RPS6KC1: variants seen among roughly 807,000 people sequenced by gnomAD.
The protein encoded by RPS6KC1 is ribosomal protein S6 kinase C1.
RPS6KC1 carries 54 observed loss-of-function variants against 103.8 expected under a neutral mutation model. That is an observed-to-expected ratio of 0.52 (90% CI 0.42 to 0.65). The LOEUF (loss-of-function observed/expected upper bound fraction) is 0.65. Among genes scored for constraint, RPS6KC1 ranks in the 30% least tolerant of loss-of-function variants. RPS6KC1 has a pLI of 0.00. For missense variants in RPS6KC1, 1,151 were observed against 1,253.8 expected, an observed-to-expected ratio of 0.92 and a Z score of 1.24; for synonymous variants, 439 against 438.7, an observed-to-expected ratio of 1.00 and a Z score of -0.01.
the RPS6KC1 span, among the ~76,000 whole-genome samples, chr1:213,316,781 G>A: frequency 6.6e-6 from 1 of 151,946 alleles, no homozygotes; most frequent in Admixed American, 6.6e-5. Flanking sequence ...GATTGAGGGG[G>A]CCTCATTAAT....
chr1:213,343,805 A>C, the RPS6KC1 span, among the ~76,000 whole-genome samples: 1 of 152,090 alleles, frequency 6.6e-6, no homozygotes, highest in Non-Finnish European at 1.5e-5. Context: ...AATAAATACA[A>C]AATAAAAAAA....
chr1:213,598,169 T>A, the RPS6KC1 span, among the ~76,000 whole-genome samples: 1 of 152,212 alleles, frequency 6.6e-6, no homozygotes, highest in African/African-American at 2.4e-5. Flanking sequence ...CCTTCAGAGC[T>A]GCAGATATTG....
chr1:213,414,627 C>A, the RPS6KC1 span, among the ~76,000 whole-genome samples: 7 of 152,320 alleles, frequency 4.6e-5, no homozygotes, highest in East Asian at 1.3e-3. Context: ...GCATGTCATA[C>A]TTCTTGTCTT....
At chr1:213,669,488 G>A in the RPS6KC1 span, among the ~76,000 whole-genome samples, 818 of 152,224 alleles carry the variant, frequency 5.4e-3, 16 homozygotes, top group Non-Finnish European at 6.6e-3. Context: ...ACTGATCACA[G>A]ATCACCATAA....
the RPS6KC1 span, among the ~76,000 whole-genome samples, chr1:213,735,356 G>T: frequency 2.0e-4 from 30 of 152,306 alleles, no homozygotes; most frequent in South Asian, 6.0e-3. Context: ...GTGTATGGTG[G>T]CAAGGTGTTA....
the RPS6KC1 span, among the ~76,000 whole-genome samples, chr1:213,535,334 G>GGT: frequency 1.3e-5 from 2 of 152,322 alleles, no homozygotes; most frequent in Admixed American, 1.3e-4. Flanking sequence ...CAATACGTTT[G>GGT]GTGTTGAGTT....
chr1:213,333,234 G>A, the RPS6KC1 span, among the ~76,000 whole-genome samples: 1 of 152,202 alleles, frequency 6.6e-6, no homozygotes, highest in Non-Finnish European at 1.5e-5. Flanking sequence ...AACTGGTCTT[G>A]TACGTTCCTT....
chr1:213,100,600 T>A (rs1299505771), intron 3 of RPS6KC1, among the ~76,000 whole-genome samples: 4 of 152,146 alleles, frequency 2.6e-5, no homozygotes, highest in Admixed American at 2.6e-4. Context: ...TCCCCGCTTT[T>A]GGAGTTCTCA....
the RPS6KC1 span, among the ~76,000 whole-genome samples, chr1:213,390,967 C>T: frequency 1.3e-5 from 2 of 152,020 alleles, no homozygotes; most frequent in East Asian, 3.9e-4. Context: ...TCCAAGTGCA[C>T]TTTTTTGGGT....
the RPS6KC1 span, among the ~76,000 whole-genome samples, chr1:213,517,324 G>C: frequency 6.6e-6 from 1 of 152,078 alleles, no homozygotes; most frequent in Admixed American, 6.5e-5. Context: ...TGATGTTAGG[G>C]TGTCAATTTT....
At chr1:213,132,667 G>A (rs2085779078) in intron 6 of RPS6KC1, among the ~76,000 whole-genome samples, 1 of 152,156 alleles carries the variant, frequency 6.6e-6, no homozygotes, top group South Asian at 2.1e-4. Flanking sequence ...AACTGTTAGT[G>A]AAATATCTCT....
At chr1:213,365,447 C>A in the RPS6KC1 span, among the ~76,000 whole-genome samples, 10 of 152,192 alleles carry the variant, frequency 6.6e-5, no homozygotes, top group Non-Finnish European at 1.0e-4. Context: ...CATAACTATG[C>A]TGTAGTGCAT....
the RPS6KC1 span, among the ~76,000 whole-genome samples, chr1:213,781,140 T>A: frequency 6.6e-6 from 1 of 152,204 alleles, no homozygotes; most frequent in African/African-American, 2.4e-5. Flanking sequence ...GGAGGCAAGA[T>A]GAAGCGCTAA....
intron 14 of RPS6KC1, among the ~76,000 whole-genome samples, chr1:213,265,146 C>G (rs937945824): frequency 3.9e-5 from 6 of 152,180 alleles, no homozygotes; most frequent in Non-Finnish European, 8.8e-5. Context: ...GTCTTGGATT[C>G]ATTAACTTGA....
At chr1:213,316,452 A>T in the RPS6KC1 span, among the ~76,000 whole-genome samples, 11 of 152,194 alleles carry the variant, frequency 7.2e-5, no homozygotes, top group Non-Finnish European at 1.5e-4. Flanking sequence ...TACATTACCA[A>T]ATTGGGACGA....
chr1:213,445,032 C>G, the RPS6KC1 span, among the ~76,000 whole-genome samples: 1 of 152,088 alleles, frequency 6.6e-6, no homozygotes, highest in Non-Finnish European at 1.5e-5. Flanking sequence ...TTTCCTGCAG[C>G]CTTTAGCAAA....
the RPS6KC1 span, among the ~76,000 whole-genome samples, chr1:213,633,226 A>C: frequency 6.6e-6 from 1 of 152,212 alleles, no homozygotes. Flanking sequence ...TGAGAAGAGC[A>C]ACCCAAAGAC....
the RPS6KC1 span, among the ~76,000 whole-genome samples, chr1:213,472,947 A>G: frequency 2.6e-5 from 4 of 152,230 alleles, no homozygotes; most frequent in Non-Finnish European, 4.4e-5. Flanking sequence ...ATCCCCTTGA[A>G]TGTTATCTCC....
At chr1:213,067,726 C>T (rs6689016) in intron 1 of RPS6KC1, among the ~76,000 whole-genome samples, 5,531 of 152,268 alleles carry the variant, frequency 0.036, 282 homozygotes, top group African/African-American at 0.12. Context: ...GGGACTTGCT[C>T]ACCATTGTAA....
Sources: allele counts gnomAD v4.1 joint callset (sites outside exome capture counted in the v4.1 genomes callset), GRCh38; gene constraint gnomAD v4.1.1; transcripts MANE v1.5; gene names NCBI Gene and HGNC (gene_info 2026-07-23, HGNC 2026-07-21).